SAP30L: variants seen among roughly 807,000 people sequenced by gnomAD.
SAP30L encodes the protein histone deacetylase complex subunit SAP30L.
SAP30L carries 10 observed loss-of-function variants against 22.3 expected under a neutral mutation model. That is an observed-to-expected ratio of 0.45 (90% confidence interval 0.28 to 0.76). The LOEUF is 0.76. SAP30L is among the 30% of genes least tolerant of loss of function. SAP30L has a pLI of 0.14. For missense variants in SAP30L, 206 were observed against 237.9 expected (o/e 0.87, Z 0.88); for synonymous variants, 91 against 94.1 (o/e 0.97, Z 0.19).
rs1757330407 is a variant in SAP30L, at chr5:154,459,444, G to A, written c.*3416G>A. The A allele has an allele frequency of 6.6e-6, 1 of 152,224 alleles. No individual in the cohort carries two copies. 9.4% of individuals were successfully genotyped at this position (152,224 alleles called of 1,614,324 possible). ...GTCTCTGCCCCATGGGGGCCACATG[G>A]GACAAGTTATTTTTGGCAAAGCACC... On this transcript the variant is annotated 3_prime_UTR_variant, in exon 4 of 4. Coordinates refer to ENST00000297109, the MANE Select transcript of SAP30L (RefSeq NM_024632.6).
rs1368040050 is a variant in SAP30L, at chr5:154,460,381, A to T, written c.*4353A>T. 6.6e-6 allele frequency: 1 copy of T among 152,144 alleles called. No individual in the cohort carries two copies. Among genetic ancestry groups the T allele is most frequent in the African/African-American group, 2.4e-5 (1 of 41,396 alleles). The allele number at this position is 152,144 out of a possible 1,614,324, so 9.4% of individuals were successfully genotyped here. A position where few individuals can be genotyped will look rare whatever the true frequency, so the allele number is the denominator to read the frequency against. ...TATCTGCCTTCCAGGCGATCCTTTG[A>T]GGTTGTGTAATTCAGCTGGCCCTGG... On this transcript the variant is annotated 3_prime_UTR_variant, in exon 4 of 4. Transcript: ENST00000297109.
At chr5:154,453,602 C>T (rs1757200037) in intron 3 of SAP30L, 102 bp downstream of exon 3, 1 of 830,488 alleles carries the variant, frequency 1.2e-6, no homozygotes, top group Non-Finnish European at 2.0e-6. Flanking sequence ...TTGTAATTTC[C>T]TCCAGAGTTC....
In SAP30L at chr5:154,446,680, G is replaced by A. The variant is rs774385187; in HGVS notation, c.76G>A (p.Gly26Ser). 65 of 1,573,266 alleles carry A rather than the reference G, an allele frequency of 4.1e-5. No homozygotes were observed. The highest frequency in any genetic ancestry group is 2.0e-4 in the Admixed American group (11 of 54,688). ...CCCAGCTGCCGCCGCCCCGGGCTACGGCCAGAGCTGCTGCCTCATCGAGGA... is the reference window on the plus strand; with the variant it reads ...CCCAGCTGCCGCCGCCCCGGGCTACAGCCAGAGCTGCTGCCTCATCGAGGA... Reference protein sequence around the residue: ...AAPAAAAPGYGQSCCLIEDGE... With the variant: ...AAPAAAAPGYSQSCCLIEDGE... The change falls in exon 1 of 4, where the codon GGC (glycine) becomes AGC (serine). Residue 26 changes from glycine to serine, a missense_variant. By Grantham distance (56) the Gly-to-Ser change is moderately conservative. Around this residue, in one of 2 missense-constraint regions of SAP30L, gnomAD observed 70 missense variants for 50.5 expected, o/e 1.39. Coordinates refer to ENST00000297109, the MANE Select transcript of SAP30L (RefSeq NM_024632.6).
chr5:154,452,379 A>AT, intron 2 of SAP30L: 1 of 660,452 alleles, frequency 1.5e-6, no homozygotes, highest in African/African-American at 2.0e-5. Context: ...AAAAAAAAAA[A>AT]AAAGGTTTTG....
rs1757193584 is a variant in SAP30L, at chr5:154,453,385, TCTC to T, written c.325-13_325-11del. Reference sequence around the variant, plus strand: ...GTGGTCAGGTGATGGATAACATTTTTCTCCTCTTCTCCCTAGGTTGATCTGTTC... The same window carrying T: ...GTGGTCAGGTGATGGATAACATTTTTCTCTTCTCCCTAGGTTGATCTGTTC... On this transcript the variant is annotated splice_polypyrimidine_tract_variant and intron_variant, in intron 2 of 3. Coordinates refer to ENST00000297109, the MANE Select transcript of SAP30L (RefSeq NM_024632.6). The T allele has an allele frequency of 1.3e-6, 2 of 1,595,810 alleles. No individual in the cohort carries two copies. The highest frequency in any genetic ancestry group is 4.5e-5 in the East Asian group (2 of 44,808).
Position 154,446,283 on chromosome 5 carries a change from G to T in SAP30L, c.-322G>T. ...TTGGGGAGCGGCTGTTTCCTGGGACGCCCTCCCGGACACCCCCGCTGCAGG... is the reference window on the plus strand; with the variant it reads ...TTGGGGAGCGGCTGTTTCCTGGGACTCCCTCCCGGACACCCCCGCTGCAGG... On this transcript the variant is annotated 5_prime_UTR_variant, in exon 1 of 4. Coordinates refer to ENST00000297109, the MANE Select transcript of SAP30L (RefSeq NM_024632.6). The T allele has an allele frequency of 3.8e-6, 1 of 265,062 alleles. No individual in the cohort carries two copies. The highest frequency in any genetic ancestry group is 7.1e-6 in the Non-Finnish European group (1 of 140,924). The allele number at this position is 265,062 out of a possible 1,614,324, so 16.4% of individuals were successfully genotyped here. A position where few individuals can be genotyped will look rare whatever the true frequency, so the allele number is the denominator to read the frequency against.
At chr5:154,449,562 A>G (rs1193293817) in intron 1 of SAP30L, among the ~76,000 whole-genome samples, 1 of 152,180 alleles carries the variant, frequency 6.6e-6, no homozygotes, top group African/African-American at 2.4e-5. Flanking sequence ...GAACTTGAGG[A>G]GCAGTTGATC....
chr5:154,452,648 C>A, intron 2 of SAP30L: 1 of 192,722 alleles, frequency 5.2e-6, no homozygotes, highest in Non-Finnish European at 9.5e-6. Context: ...CTGGATTGCA[C>A]ATTCACTACA....
At chr5:154,451,299 T>C in intron 2 of SAP30L, 86 bp downstream of exon 2, 1 of 1,411,704 alleles carries the variant, frequency 7.1e-7, no homozygotes. Context: ...CTTTTTGTGT[T>C]AAGAAGTAAT....
chr5:154,457,277 C>T lies in SAP30L; in HGVS notation c.*1249C>T, dbSNP rs934209716. The T allele has an allele frequency of 2.0e-5, 3 of 152,094 alleles. No homozygotes were observed. Among genetic ancestry groups the T allele is most frequent in the Non-Finnish European group, 2.9e-5 (2 of 68,022 alleles). The allele number at this position is 152,094 out of a possible 1,614,324, so 9.4% of individuals were successfully genotyped here. Reference sequence around the variant, plus strand: ...CTTTATATCCAAAAATGTGCTTTTGCAAAATTCTTTAATCTGTGTAATGGA... The same window carrying T: ...CTTTATATCCAAAAATGTGCTTTTGTAAAATTCTTTAATCTGTGTAATGGA... On this transcript the variant is annotated 3_prime_UTR_variant, in exon 4 of 4. Transcript: ENST00000297109.
chr5:154,446,902 T>G, intron 1 of SAP30L, 97 bp downstream of exon 1: 1 of 1,038,600 alleles, frequency 9.6e-7, no homozygotes, highest in Non-Finnish European at 1.4e-6. Context: ...CTCCCCGCCG[T>G]GGGCCTCGCC....
rs1444061980 is a variant in SAP30L, at chr5:154,459,701, C to G, written c.*3673C>G. Reference sequence around the variant, plus strand: ...GCTAAACCTCAGACAGATGAGGACTCAGTTCTGTGCTTGCCCCACAAAAAC... The same window carrying G: ...GCTAAACCTCAGACAGATGAGGACTGAGTTCTGTGCTTGCCCCACAAAAAC... On this transcript the variant is annotated 3_prime_UTR_variant, in exon 4 of 4. Transcript: ENST00000297109. 3 of 152,210 alleles carry G rather than the reference C, an allele frequency of 2.0e-5. No homozygotes were observed. The highest frequency in any genetic ancestry group is 2.9e-5 in the Non-Finnish European group (2 of 68,044). 9.4% of individuals were successfully genotyped at this position (152,210 alleles called of 1,614,324 possible).
At position 154,458,235 on chromosome 5, in the gene SAP30L, G is replaced by T. The variant is rs1445806179; in HGVS notation, c.*2207G>T. The T allele has an allele frequency of 1.3e-5, 2 of 152,242 alleles. No individual in the cohort carries two copies. Among genetic ancestry groups the T allele is most frequent in the African/African-American group, 4.8e-5 (2 of 41,458 alleles). 9.4% of individuals were successfully genotyped at this position (152,242 alleles called of 1,614,324 possible). A position where few individuals can be genotyped will look rare whatever the true frequency, so the allele number is the denominator to read the frequency against. On this transcript the variant is annotated 3_prime_UTR_variant, in exon 4 of 4. Transcript: ENST00000297109. ...TTTCCTCTAAGGAGAGGTGCTTGTG[G>T]AAAGTGGAGGTTGTGGGCATCTTTT...
intron 3 of SAP30L, 142 bp downstream of exon 3, chr5:154,453,642 AT>A: frequency 1.6e-6 from 1 of 632,336 alleles, no homozygotes. Flanking sequence ...CTCTTTGGCA[AT>A]TTAGAACCCC....
At chr5:154,448,006 C>T (rs1757061449) in intron 1 of SAP30L, among the ~76,000 whole-genome samples, 3 of 110,224 alleles carry the variant, frequency 2.7e-5, no homozygotes, top group Non-Finnish European at 5.0e-5. Context: ...GACGGAGTCT[C>T]ACTCTGTCAC....
At chr5:154,455,015 G>A (rs1332239776) in intron 3 of SAP30L, among the ~76,000 whole-genome samples, 1 of 151,976 alleles carries the variant, frequency 6.6e-6, no homozygotes, top group African/African-American at 2.4e-5. Flanking sequence ...CACCTCCCGG[G>A]TTCAAGTGAT....
chr5:154,455,817 C>T, intron 3 of SAP30L, 83 bp from the exon 4 acceptor site: 2 of 1,468,780 alleles, frequency 1.4e-6, no homozygotes, highest in Admixed American at 2.4e-5. Context: ...GCAAACAACT[C>T]CATTCGCTTC....
rs1757278373 is a variant in SAP30L at position 154,457,099 on chromosome 5, A to T, written c.*1071A>T. On this transcript the variant is annotated 3_prime_UTR_variant, in exon 4 of 4. Transcript: ENST00000297109. ...AGTTTGGGCAACAAAGGTCAATTCCATCTGATGCTCATTTTTGTGAACAAT... is the reference window on the plus strand; with the variant it reads ...AGTTTGGGCAACAAAGGTCAATTCCTTCTGATGCTCATTTTTGTGAACAAT... 6.6e-6 allele frequency: 1 copy of T among 152,194 alleles called. No individual in the cohort carries two copies. The highest frequency in any genetic ancestry group is 2.4e-5 in the African/African-American group (1 of 41,436). 9.4% of individuals were successfully genotyped at this position (152,194 alleles called of 1,614,324 possible).
chr5:154,453,609 G>C, intron 3 of SAP30L, 109 bp downstream of exon 3: 2 of 786,364 alleles, frequency 2.5e-6, no homozygotes, highest in Non-Finnish European at 4.3e-6. Flanking sequence ...TTCCTCCAGA[G>C]TTCTGGAAGC....
Sources: gnomAD v4.1 joint callset for allele counts (sites outside exome capture counted in the v4.1 genomes callset) on GRCh38, gnomAD v4.1.1 for gene constraint, gnomAD v4.1.1 regional missense constraint, MANE v1.5 for transcripts, NCBI Gene and HGNC (gene_info 2026-07-23, HGNC 2026-07-21) for gene names.